MYO6: variants seen among roughly 807,000 people sequenced by gnomAD.
The protein encoded by MYO6 is myosin VI, also known as unconventional myosin-VI.
Under a neutral mutation model 178.7 loss-of-function variants are expected in MYO6, and 74 were observed. The ratio of observed to expected loss-of-function variants is 0.41; its 90% CI spans 0.34 to 0.50. The LOEUF is 0.50. Among genes scored for constraint, MYO6 ranks in the 20% least tolerant of loss-of-function variants. The pLI is 0.09. For missense variants in MYO6, 1,330 were observed against 1,547.4 expected (o/e 0.86, Z 2.36); for synonymous variants, 477 against 504.6 (o/e 0.95, Z 0.73).
intron 20 of MYO6, among the ~76,000 whole-genome samples, chr6:75,879,149 G>A (rs1380972647): frequency 1.3e-5 from 2 of 152,192 alleles, no homozygotes; most frequent in East Asian, 1.9e-4. Context: ...GCCTTTGAAA[G>A]TGGTTTAATG....
At chr6:75,870,519 A>G (rs1457574156) in intron 18 of MYO6, 128 bp from the exon 19 acceptor site, 8 of 751,160 alleles carry the variant, frequency 1.1e-5, no homozygotes, top group African/African-American at 1.7e-5. Flanking sequence ...AGGTTGTTAA[A>G]CTGGAATGTG....
chr6:75,883,898 A>C (rs1433506261), intron 23 of MYO6, among the ~76,000 whole-genome samples: 1 of 152,204 alleles, frequency 6.6e-6, no homozygotes, highest in Non-Finnish European at 1.5e-5. Context: ...GAATCATGCT[A>C]ACAAAGATTA....
chr6:75,882,106 C>A (rs965008190), intron 23 of MYO6, among the ~76,000 whole-genome samples: 31 of 152,210 alleles, frequency 2.0e-4, no homozygotes, highest in African/African-American at 7.5e-4. Flanking sequence ...ATCCCCTAAT[C>A]TCTCAGACTT....
chr6:75,865,403 G>T (rs1029646956), intron 16 of MYO6: 1 of 109,836 alleles, frequency 9.1e-6, no homozygotes, highest in Non-Finnish European at 1.7e-5. Context: ...TGGCTCTGTT[G>T]CCCTGGTTGG....
At chr6:75,825,851 AT>A (rs1464016328) in intron 3 of MYO6, among the ~76,000 whole-genome samples, 11 of 152,154 alleles carry the variant, frequency 7.2e-5, no homozygotes, top group Non-Finnish European at 1.6e-4. Flanking sequence ...AAACTTTTGT[AT>A]ATGTTATATA....
chr6:75,843,304 A>G (rs1774420128), intron 9 of MYO6, among the ~76,000 whole-genome samples: 1 of 152,236 alleles, frequency 6.6e-6, no homozygotes, highest in African/African-American at 2.4e-5. Flanking sequence ...TTGTGGATGT[A>G]TACCTGTCTG....
chr6:75,880,720 T>C (rs553918392), intron 22 of MYO6, among the ~76,000 whole-genome samples: 3 of 147,506 alleles, frequency 2.0e-5, no homozygotes, highest in African/African-American at 5.4e-5. Context: ...AAGATTTAAA[T>C]ATCTTTTCTC....
At chr6:75,872,080 G>A (rs1046136870) in intron 19 of MYO6, among the ~76,000 whole-genome samples, 1 of 152,052 alleles carries the variant, frequency 6.6e-6, no homozygotes, top group Non-Finnish European at 1.5e-5. Context: ...AGTGAGCCAA[G>A]ATCACGCCAC....
At chr6:75,790,397 AGAT>A (rs1768103960) in intron 1 of MYO6, among the ~76,000 whole-genome samples, 1 of 135,260 alleles carries the variant, frequency 7.4e-6, no homozygotes, top group Admixed American at 7.8e-5. Context: ...TTTCTTTTTG[AGAT>A]GGAGTCTTGC....
chr6:75,857,859 T>C (rs952566236), intron 13 of MYO6, among the ~76,000 whole-genome samples: 2 of 152,212 alleles, frequency 1.3e-5, no homozygotes, highest in Non-Finnish European at 2.9e-5. Context: ...ATAAAAATCT[T>C]GAAATGTAAA....
At chr6:75,910,265 AACTT>A (rs1158503086) in intron 32 of MYO6, among the ~76,000 whole-genome samples, 2 of 152,182 alleles carry the variant, frequency 1.3e-5, no homozygotes, top group Non-Finnish European at 2.9e-5. Flanking sequence ...TATAATTACT[AACTT>A]TAGCTTGACA....
intron 1 of MYO6, among the ~76,000 whole-genome samples, chr6:75,787,720 CTCTCTCTCTCTATATATATA>C (rs1188646554): frequency 1.2e-4 from 4 of 34,480 alleles, no homozygotes; most frequent in African/African-American, 3.6e-4. Flanking sequence ...CTCTCTCTCT[CTCTCTCTCTCTATATATATA>C]TATATATATA....
chr6:75,912,522 C>T (rs966752171), intron 33 of MYO6, among the ~76,000 whole-genome samples: 5 of 152,016 alleles, frequency 3.3e-5, no homozygotes, highest in Admixed American at 2.6e-4. Context: ...GAAAAGCTAT[C>T]AAAGACTTTC....
At chr6:75,907,788 G>GTGTTTA in intron 31 of MYO6, 80 bp downstream of exon 31, 1 of 890,648 alleles carries the variant, frequency 1.1e-6, no homozygotes, top group East Asian at 2.5e-5. Flanking sequence ...TGAGGTGTGT[G>GTGTTTA]TGTGTATGTG....
intron 2 of MYO6, among the ~76,000 whole-genome samples, chr6:75,817,921 C>A (rs935562753): frequency 3.3e-5 from 5 of 152,064 alleles, no homozygotes; most frequent in Non-Finnish European, 5.9e-5. Flanking sequence ...CTTTGATCAT[C>A]CAGTTCTTAG....
At chr6:75,858,312 T>TA (rs1339049551) in intron 13 of MYO6, among the ~76,000 whole-genome samples, 2 of 152,120 alleles carry the variant, frequency 1.3e-5, no homozygotes, top group South Asian at 2.1e-4. Context: ...ACCTGTGCTT[T>TA]AAAAAATTGT....
intron 30 of MYO6, among the ~76,000 whole-genome samples, chr6:75,900,946 A>C (rs568752764): frequency 2.0e-4 from 30 of 149,940 alleles, no homozygotes; most frequent in Non-Finnish European, 3.1e-4. Context: ...TCAGCTTTCT[A>C]CATATGACTA....
At chr6:75,810,813 G>C (rs1279098849) in intron 1 of MYO6, among the ~76,000 whole-genome samples, 1 of 152,172 alleles carries the variant, frequency 6.6e-6, no homozygotes, top group Non-Finnish European at 1.5e-5. Flanking sequence ...TTGAGGAGAG[G>C]CCTCAGAGGA....
At chr6:75,826,145 C>CT (rs1430803458) in intron 3 of MYO6, among the ~76,000 whole-genome samples, 2 of 152,124 alleles carry the variant, frequency 1.3e-5, no homozygotes, top group Non-Finnish European at 2.9e-5. Context: ...TAGGTCATAC[C>CT]TTTAGGGAGA....
Sources: gnomAD v4.1 joint callset for allele counts (sites outside exome capture counted in the v4.1 genomes callset) on GRCh38, gnomAD v4.1.1 for gene constraint, MANE v1.5 for transcripts, NCBI Gene and HGNC (gene_info 2026-07-23, HGNC 2026-07-21) for gene names.